The following BAIAP2L1 variants were observed in gnomAD, a reference collection of about 807,000 sequenced individuals.
BAIAP2L1 encodes the protein BAR/IMD domain-containing adapter protein 2-like 1.
In BAIAP2L1, 35 loss-of-function variants were observed where a neutral mutation model predicts 66.3. The ratio of observed to expected loss-of-function variants is 0.53; its 90% CI spans 0.40 to 0.70. The LOEUF (loss-of-function observed/expected upper bound fraction) is 0.70. Ranked by LOEUF, BAIAP2L1 falls within the 30% of genes least tolerant of loss-of-function variation. BAIAP2L1 has a pLI of 0.00. For synonymous variants in BAIAP2L1, 269 were observed against 248.7 expected (o/e 1.08, Z -0.77); for missense variants, 622 against 656.9 (o/e 0.95, Z 0.58).
At position 98,302,190 on chromosome 7, in the gene BAIAP2L1, A is replaced by G. The variant is rs111734214; in HGVS notation, c.1422+2006T>C. Among the ~76,000 whole-genome samples, 1,379 of 152,312 alleles carry G rather than the reference A, an allele frequency of 9.1e-3. 13 individuals are homozygous for G. Among genetic ancestry groups the G allele is most frequent in the Admixed American group, 0.014 (218 of 15,298 alleles). ...ACTTACAACCAGGCTTCTTCCATTTATCCAATTCCCTGCAGTAAGAATGGC... is the reference window on the plus strand; with the variant it reads ...ACTTACAACCAGGCTTCTTCCATTTGTCCAATTCCCTGCAGTAAGAATGGC... On this transcript the variant is annotated intron_variant, in intron 12 of 13. Transcript: ENST00000005260.
chr7:98,355,492 T>C, intron 2 of BAIAP2L1: 2 of 196,996 alleles, frequency 1.0e-5, no homozygotes, highest in African/African-American at 2.3e-5. Flanking sequence ...TCCCAGCCCT[T>C]TGGGAGGCTG....
intron 1 of BAIAP2L1, among the ~76,000 whole-genome samples, chr7:98,379,703 G>A (rs897432478): frequency 3.9e-5 from 6 of 152,126 alleles, no homozygotes; most frequent in Non-Finnish European, 5.9e-5. Context: ...TGAACAAAAC[G>A]TGGTATATCC....
chr7:98,307,226 C>T, intron 10 of BAIAP2L1: 1 of 230,344 alleles, frequency 4.3e-6, no homozygotes, highest in Non-Finnish European at 7.8e-6. Flanking sequence ...CTGCCTCAGC[C>T]TCCCGAGTAG....
chr7:98,319,087 C>A (rs1801166577), intron 5 of BAIAP2L1, among the ~76,000 whole-genome samples: 1 of 152,180 alleles, frequency 6.6e-6, no homozygotes. Context: ...GAGGGTGCAG[C>A]CAGGCAGCAG....
At chr7:98,297,426 G>A (rs1800238950) in intron 12 of BAIAP2L1, among the ~76,000 whole-genome samples, 1 of 152,200 alleles carries the variant, frequency 6.6e-6, no homozygotes, top group African/African-American at 2.4e-5. Flanking sequence ...GAATGCTGGT[G>A]GCCCTCACTG....
intron 1 of BAIAP2L1, among the ~76,000 whole-genome samples, chr7:98,371,369 C>A (rs370636744): frequency 6.6e-6 from 1 of 152,272 alleles, no homozygotes; most frequent in South Asian, 2.1e-4. Flanking sequence ...TAATATCACT[C>A]TTCTACTTGT....
At position 98,345,822 on chromosome 7, in the gene BAIAP2L1, T is replaced by C. The variant is rs897144760; in HGVS notation, c.214+9220A>G. ...AGTAAGAACATGAAAAGATGCTCAA[T>C]GTCGTTAGTCACTAGGGAGATGTGA... On this transcript the variant is annotated intron_variant, in intron 3 of 13. Coordinates refer to ENST00000005260, the MANE Select transcript of BAIAP2L1 (RefSeq NM_018842.5). Among the ~76,000 whole-genome samples the C allele has an allele frequency of 9.9e-5, 15 of 152,182 alleles. No homozygotes were observed. The South Asian group carries it at 3.1e-3, about 32-fold the overall frequency.
At chr7:98,324,155 G>A (rs1414518574) in intron 3 of BAIAP2L1, among the ~76,000 whole-genome samples, 4 of 152,186 alleles carry the variant, frequency 2.6e-5, no homozygotes, top group Admixed American at 6.5e-5. Context: ...TTTTTCCCCC[G>A]GTTACGTTTG....
chr7:98,315,325 G>T, intron 7 of BAIAP2L1, 135 bp downstream of exon 7: 2 of 717,594 alleles, frequency 2.8e-6, no homozygotes, highest in Admixed American at 3.6e-5. Flanking sequence ...ACAGAGTTTT[G>T]CCATGTTGCC....
At chr7:98,337,235 ATTT>A (rs60826557) in intron 3 of BAIAP2L1, among the ~76,000 whole-genome samples, 2 of 138,798 alleles carry the variant, frequency 1.4e-5, no homozygotes, top group Admixed American at 7.3e-5. Context: ...TTCAGATACC[ATTT>A]TTTTTTTTTT....
At chr7:98,304,127 AG>A in intron 12 of BAIAP2L1, 68 bp downstream of exon 12, 1 of 1,457,054 alleles carries the variant, frequency 6.9e-7, no homozygotes, top group Admixed American at 2.6e-5. Context: ...CGGTCACCAC[AG>A]GACCTGCGCC....
intron 3 of BAIAP2L1, among the ~76,000 whole-genome samples, chr7:98,324,735 T>A (rs1393378280): frequency 1.3e-5 from 2 of 152,070 alleles, no homozygotes; most frequent in African/African-American, 4.8e-5. Flanking sequence ...ATGCCTGTAG[T>A]CCCAGCTACT....
intron 7 of BAIAP2L1, among the ~76,000 whole-genome samples, chr7:98,312,749 G>A (rs1800918108): frequency 3.5e-5 from 2 of 56,426 alleles, no homozygotes; most frequent in Admixed American, 3.7e-4. Context: ...TGTCTATGGG[G>A]AAGAGGGACT....
chr7:98,317,555 A>G (rs1562971237), intron 5 of BAIAP2L1, among the ~76,000 whole-genome samples, 199 bp from the exon 6 acceptor site: 1 of 150,380 alleles, frequency 6.6e-6, no homozygotes, highest in Non-Finnish European at 1.5e-5. Context: ...CCATGCCCAC[A>G]CTTCGCACCA....
At chr7:98,293,675 C>G (rs750615648) in intron 13 of BAIAP2L1, 79 bp from the exon 14 acceptor site, 9 of 1,423,430 alleles carry the variant, frequency 6.3e-6, no homozygotes, top group Non-Finnish European at 7.9e-6. Flanking sequence ...ATAACCCGTT[C>G]TTGCCCTGTG....
chr7:98,306,604 G>A, intron 10 of BAIAP2L1, 88 bp from the exon 11 acceptor site: 1 of 1,590,208 alleles, frequency 6.3e-7, no homozygotes, highest in Middle Eastern at 1.7e-4. Flanking sequence ...GCTCAGGGCA[G>A]ACAGGTCCAC....
rs150241153 is a variant in BAIAP2L1 at position 98,344,179 on chromosome 7, AAAAC to A, written c.214+10859_214+10862del. Among the ~76,000 whole-genome samples, 428 of 152,300 alleles carry A rather than the reference AAAAC, an allele frequency of 2.8e-3. 14 individuals are homozygous for A. In the East Asian group the frequency reaches 0.064, roughly 23 times the overall value. ...ACGACAGAGCAAGACTCCGTTCCAA[AAAAC>A]AAACAAACAACTTTCTTTACAAGCA... is the stretch of plus-strand genomic sequence containing the variant. On this transcript the variant is annotated intron_variant, in intron 3 of 13. Transcript: ENST00000005260.
intron 11 of BAIAP2L1, among the ~76,000 whole-genome samples, chr7:98,305,043 T>C (rs866238770): frequency 8.1e-6 from 1 of 123,562 alleles, no homozygotes; most frequent in Non-Finnish European, 1.6e-5. Context: ...TTTTTTTGTT[T>C]TTTGTTTTTT....
intron 1 of BAIAP2L1, among the ~76,000 whole-genome samples, chr7:98,371,653 CTCATTT>C (rs1276478437): frequency 1.3e-5 from 2 of 152,112 alleles, no homozygotes; most frequent in Non-Finnish European, 2.9e-5. Context: ...CTTTTTATAA[CTCATTT>C]TCAAAGAATT....
Sources: gnomAD v4.1 joint callset for allele counts (sites outside exome capture counted in the v4.1 genomes callset) on GRCh38, gnomAD v4.1.1 for gene constraint, MANE v1.5 for transcripts, NCBI Gene and HGNC (gene_info 2026-07-23, HGNC 2026-07-21) for gene names.